Variants in CALD1 observed in about 807,000 individuals in gnomAD.
The protein encoded by CALD1 is caldesmon 1.
CALD1 carries 33 observed loss-of-function variants against 99.9 expected under a neutral mutation model. The ratio of observed to expected loss-of-function variants is 0.33; its 90% CI spans 0.25 to 0.44. The LOEUF (loss-of-function observed/expected upper bound fraction) is 0.44. Among genes scored for constraint, CALD1 ranks in the 20% least tolerant of loss-of-function variants. The pLI, the probability that CALD1 is intolerant of heterozygous loss-of-function variation, is 1.00. For missense variants in CALD1, 861 were observed against 962.1 expected, an observed-to-expected ratio of 0.89 and a Z score of 1.39; for synonymous variants, 310 against 325.0, an observed-to-expected ratio of 0.95 and a Z score of 0.50.
chr7:134,890,200 T>C (rs1586213329), intron 3 of CALD1, among the ~76,000 whole-genome samples: 1 of 152,310 alleles, frequency 6.6e-6, no homozygotes, highest in Non-Finnish European at 1.5e-5. Flanking sequence ...CCACCTCGCC[T>C]GGCCTATAAA....
At chr7:134,852,764 C>G (rs189027824) in intron 2 of CALD1, among the ~76,000 whole-genome samples, 2 of 152,102 alleles carry the variant, frequency 1.3e-5, no homozygotes, top group African/African-American at 4.8e-5. Flanking sequence ...TTTTAAGATT[C>G]GGCTGAGAGC....
At chr7:134,807,372 T>C (rs1290451140) in intron 1 of CALD1, among the ~76,000 whole-genome samples, 2 of 152,190 alleles carry the variant, frequency 1.3e-5, no homozygotes, top group African/African-American at 4.8e-5. Flanking sequence ...TCCCTATCAG[T>C]ACTGTTCTGT....
intron 14 of CALD1, among the ~76,000 whole-genome samples, chr7:134,967,869 C>A (rs913825984): frequency 6.6e-6 from 1 of 152,128 alleles, no homozygotes; most frequent in East Asian, 1.9e-4. Flanking sequence ...TCCAGCCAGG[C>A]GCAGTGGCTC....
intron 2 of CALD1, among the ~76,000 whole-genome samples, chr7:134,867,354 T>C (rs1284961638): frequency 1.3e-5 from 2 of 152,192 alleles, no homozygotes; most frequent in Non-Finnish European, 2.9e-5. Flanking sequence ...TTCATAACTT[T>C]GGTCTGGGGT....
chr7:134,957,491 C>T (rs1027235793), intron 9 of CALD1, among the ~76,000 whole-genome samples: 2 of 152,182 alleles, frequency 1.3e-5, no homozygotes, highest in African/African-American at 4.8e-5. Flanking sequence ...ACAATCTTGG[C>T]TCACTGCAAT....
intron 2 of CALD1, among the ~76,000 whole-genome samples, chr7:134,844,504 C>T (rs1781665277): frequency 6.6e-6 from 1 of 152,182 alleles, no homozygotes; most frequent in South Asian, 2.1e-4. Flanking sequence ...AACCAAAGGG[C>T]ATTTCACTCA....
intron 1 of CALD1, among the ~76,000 whole-genome samples, chr7:134,801,631 C>CTT (rs906978801): frequency 1.3e-5 from 2 of 151,706 alleles, no homozygotes; most frequent in African/African-American, 4.9e-5. Flanking sequence ...CTCTCTCTCT[C>CTT]TTTTTTGAAA....
chr7:134,797,184 T>C (rs547648457), intron 1 of CALD1, among the ~76,000 whole-genome samples: 1 of 152,250 alleles, frequency 6.6e-6, no homozygotes, highest in Admixed American at 6.5e-5. Context: ...GAGGTTTCAT[T>C]ATATTACTCA....
intron 1 of CALD1, among the ~76,000 whole-genome samples, chr7:134,804,997 G>A (rs944633709): frequency 6.6e-6 from 1 of 152,224 alleles, no homozygotes; most frequent in Non-Finnish European, 1.5e-5. Context: ...GGGCCAGTGA[G>A]TTGGGAGTGC....
chr7:134,902,089 T>C (rs1323432896), intron 3 of CALD1, among the ~76,000 whole-genome samples: 1 of 152,092 alleles, frequency 6.6e-6, no homozygotes, highest in African/African-American at 2.4e-5. Flanking sequence ...TCTCCACACA[T>C]TGGGCACATT....
chr7:134,803,696 ATTTTTT>A (rs3062411), intron 1 of CALD1, among the ~76,000 whole-genome samples: 2 of 123,038 alleles, frequency 1.6e-5, no homozygotes, highest in Non-Finnish European at 1.7e-5. Flanking sequence ...TGTGGGTCTA[ATTTTTT>A]TTTTTTTTTT....
At chr7:134,899,633 TTTTTTGTTTTTG>T (rs199657898) in intron 3 of CALD1, among the ~76,000 whole-genome samples, 11 of 150,192 alleles carry the variant, frequency 7.3e-5, no homozygotes, top group Admixed American at 3.3e-4. Context: ...TTGATCTTTC[TTTTTTGTTTTTG>T]TTTTTGTTTT....
chr7:134,711,995 A>G, the CALD1 span, among the ~76,000 whole-genome samples: 12 of 142,290 alleles, frequency 8.4e-5, no homozygotes, highest in East Asian at 2.6e-3. Context: ...GGAAGGAAGG[A>G]AAGAAGGAAA....
chr7:134,890,925 G>A (rs1586215355), intron 3 of CALD1, among the ~76,000 whole-genome samples: 1 of 152,156 alleles, frequency 6.6e-6, no homozygotes, highest in East Asian at 1.9e-4. Context: ...TTTATGTCAT[G>A]CTCCTTCCCT....
intron 1 of CALD1, among the ~76,000 whole-genome samples, chr7:134,824,399 A>C (rs533684706): frequency 6.6e-6 from 1 of 152,322 alleles, no homozygotes; most frequent in African/African-American, 2.4e-5. Flanking sequence ...ACAACAGTGA[A>C]TGAAATAATT....
At chr7:134,726,932 T>C in the CALD1 span, among the ~76,000 whole-genome samples, 5 of 152,184 alleles carry the variant, frequency 3.3e-5, no homozygotes, top group African/African-American at 4.8e-5. Flanking sequence ...CCTCAGCCAC[T>C]GTTGTCACTA....
chr7:134,927,168 C>T (rs574163758), intron 3 of CALD1, among the ~76,000 whole-genome samples: 2 of 152,224 alleles, frequency 1.3e-5, no homozygotes, highest in African/African-American at 4.8e-5. Context: ...CTAAGTCAAA[C>T]GTGTCAAAAT....
intron 1 of CALD1, among the ~76,000 whole-genome samples, chr7:134,784,404 G>A (rs1023845221): frequency 1.3e-5 from 2 of 152,210 alleles, no homozygotes; most frequent in Non-Finnish European, 2.9e-5. Context: ...TGCCCAAGAG[G>A]GCCAAGGACC....
At chr7:134,884,735 G>A (rs1249662883) in intron 3 of CALD1, among the ~76,000 whole-genome samples, 1 of 151,648 alleles carries the variant, frequency 6.6e-6, no homozygotes, top group African/African-American at 2.4e-5. Context: ...TCACTCCAGA[G>A]AAAAAATGAC....
Sources: allele counts gnomAD v4.1 joint callset (sites outside exome capture counted in the v4.1 genomes callset), GRCh38; gene constraint gnomAD v4.1.1; transcripts MANE v1.5; gene names NCBI Gene and HGNC (gene_info 2026-07-23, HGNC 2026-07-21).